The following FYB1 variants were observed in gnomAD, a reference collection of about 807,000 sequenced individuals.
The protein encoded by FYB1 is FYN-binding protein 1.
FYB1 carries 41 observed loss-of-function variants against 94.1 expected under a neutral mutation model. The observed-to-expected ratio is 0.44, with a 90% CI of 0.34 to 0.57. The LOEUF (loss-of-function observed/expected upper bound fraction) is 0.57, where lower values mean the gene tolerates loss of function less well. Ranked by LOEUF, FYB1 falls within the 20% of genes least tolerant of loss-of-function variation. FYB1 has a pLI of 0.02. For synonymous variants in FYB1, 367 were observed against 353.2 expected, an observed-to-expected ratio of 1.04 and a Z score of -0.44; for missense variants, 1,050 against 976.8, an observed-to-expected ratio of 1.07 and a Z score of -1.00.
At chr5:39,194,775 C>T (rs139171408) in intron 2 of FYB1, among the ~76,000 whole-genome samples, 386 of 152,236 alleles carry the variant, frequency 2.5e-3, no homozygotes, top group South Asian at 0.017. Context: ...TGAGGCATTT[C>T]GATTATGGGG....
In FYB1 at chr5:39,119,663, C is replaced by T. The variant is rs574770122; in HGVS notation, c.2139-29G>A. On this transcript the variant is annotated intron_variant, in intron 14 of 18. Coordinates refer to ENST00000512982, the MANE Select transcript of FYB1 (RefSeq NM_001465.6). ...GAACGGCAGAACACACATAAAACAACACTTTGTTTAGAAAATTAAAAAGAA... is the reference window on the plus strand; with the variant it reads ...GAACGGCAGAACACACATAAAACAATACTTTGTTTAGAAAATTAAAAAGAA... 4.8e-6 allele frequency: 7 copies of T among 1,451,456 alleles called. No homozygotes were observed. In the African/African-American group the frequency reaches 8.7e-5, roughly 18 times the overall value. 89.9% of individuals were successfully genotyped at this position (1,451,456 alleles called of 1,614,324 possible).
In FYB1 at chr5:39,209,220, A is replaced by G. The variant is rs79241456; in HGVS notation, c.-27-6233T>C. On this transcript the variant is annotated intron_variant, in intron 1 of 18. Transcript: ENST00000512982. ...AAGAGTTAACGGTTGCTGGCTGAAA[A>G]TACAGTACTCCTGACGAGACCCTTC... 4.9e-3 allele frequency among the ~76,000 whole-genome samples: 744 copies of G among 152,318 alleles called. 15 individuals are homozygous for G. The highest frequency in any genetic ancestry group is 0.035 in the East Asian group (182 of 5,184).
At chr5:39,238,808 G>A (rs1350545933) in intron 1 of FYB1, among the ~76,000 whole-genome samples, 1 of 152,082 alleles carries the variant, frequency 6.6e-6, no homozygotes, top group Non-Finnish European at 1.5e-5. Flanking sequence ...CTTCATGTTT[G>A]TTTACTTCTT....
intron 6 of FYB1, chr5:39,138,213 T>C (rs1741834189): frequency 6.0e-6 from 1 of 165,802 alleles, no homozygotes; most frequent in Non-Finnish European, 1.3e-5. Flanking sequence ...GAAATTTCGT[T>C]TCCAAGAAAC....
intron 1 of FYB1, among the ~76,000 whole-genome samples, chr5:39,203,189 ACTTTTT>A (rs1748535955): frequency 6.6e-6 from 1 of 152,154 alleles, no homozygotes; most frequent in African/African-American, 2.4e-5. Context: ...TTGTGCATAT[ACTTTTT>A]CTTTTGCTTA....
intron 14 of FYB1, among the ~76,000 whole-genome samples, chr5:39,120,074 A>C (rs1440180790): frequency 6.6e-6 from 1 of 152,184 alleles, no homozygotes; most frequent in African/African-American, 2.4e-5. Context: ...TATAACATTT[A>C]TACGTTGTTT....
intron 16 of FYB1, among the ~76,000 whole-genome samples, chr5:39,113,677 A>G (rs407914): frequency 0.29 from 41,696 of 142,414 alleles, 6,362 homozygotes; most frequent in South Asian, 0.44. Context: ...TTTTTACTTA[A>G]TAAAAATGAC....
chr5:39,114,896 T>C (rs1268352678), intron 16 of FYB1, among the ~76,000 whole-genome samples: 1 of 152,050 alleles, frequency 6.6e-6, no homozygotes, highest in Non-Finnish European at 1.5e-5. Flanking sequence ...CTAATAAGAA[T>C]AATAGGTTGG....
At chr5:39,150,203 A>T (rs1328085200) in intron 3 of FYB1, among the ~76,000 whole-genome samples, 1 of 152,162 alleles carries the variant, frequency 6.6e-6, no homozygotes, top group African/African-American at 2.4e-5. Flanking sequence ...GCCTTTTGGG[A>T]AATCAGGAGA....
At position 39,170,093 on chromosome 5, in the gene FYB1, A is replaced by G. The variant is rs1745108725; in HGVS notation, c.1136-16489T>C. On this transcript the variant is annotated intron_variant, in intron 2 of 18. Coordinates refer to ENST00000512982, the MANE Select transcript of FYB1 (RefSeq NM_001465.6). Reference sequence around the variant, plus strand: ...ACTTTCACATTTGCAGTGCCAGCTAAGATGGTGGCTTTTTGATTTCAAATG... The same window carrying G: ...ACTTTCACATTTGCAGTGCCAGCTAGGATGGTGGCTTTTTGATTTCAAATG... 4.1e-5 allele frequency: 35 copies of G among 847,886 alleles called. No homozygotes were observed. The South Asian group carries it at 4.6e-4, about 11-fold the overall frequency. The allele number at this position is 847,886 out of a possible 1,614,324, so 52.5% of individuals were successfully genotyped here.
intron 3 of FYB1, 137 bp from the exon 4 acceptor site, chr5:39,141,278 T>C (rs1742158995): frequency 1.5e-6 from 1 of 662,760 alleles, no homozygotes; most frequent in Non-Finnish European, 2.6e-6. Flanking sequence ...CAGACATCAC[T>C]AGCATAGGCT....
chr5:39,238,564 T>C (rs927870798), intron 1 of FYB1, among the ~76,000 whole-genome samples: 1 of 152,032 alleles, frequency 6.6e-6, no homozygotes, highest in African/African-American at 2.4e-5. Context: ...AAAAAGTTGA[T>C]GAGGACAATG....
chr5:39,234,017 A>C (rs568430095), intron 1 of FYB1, among the ~76,000 whole-genome samples: 15 of 152,192 alleles, frequency 9.9e-5, no homozygotes, highest in African/African-American at 3.4e-4. Flanking sequence ...TCTAGCTTAG[A>C]TGGGGTTTAC....
intron 6 of FYB1, 26 bp from the exon 7 acceptor site, chr5:39,137,746 T>A: frequency 6.4e-7 from 1 of 1,550,646 alleles, no homozygotes; most frequent in Non-Finnish European, 8.7e-7. Context: ...GTTAGGTTGT[T>A]TTCACATCTG....
chr5:39,145,007 T>C (rs1334133323), intron 3 of FYB1, among the ~76,000 whole-genome samples: 1 of 152,196 alleles, frequency 6.6e-6, no homozygotes, highest in Admixed American at 6.5e-5. Flanking sequence ...GATGAAATTA[T>C]ATGATGTTTT....
Position 39,244,265 on chromosome 5 carries a change from A to T in FYB1, c.-28+30138T>A, listed in dbSNP as rs540572440. On this transcript the variant is annotated intron_variant, in intron 1 of 1. Transcript: ENST00000510188. ...CCAGTTTTTGCCCATTCGGTATGAT[A>T]TTGGCTGTGGGTTTGTCATAAATAG... 2.0e-5 allele frequency among the ~76,000 whole-genome samples: 3 copies of T among 152,112 alleles called. No homozygotes were observed. In the South Asian group the frequency reaches 6.2e-4, roughly 32 times the overall value.
At chr5:39,111,113 G>A (rs1190026089) in intron 16 of FYB1, among the ~76,000 whole-genome samples, 1 of 151,766 alleles carries the variant, frequency 6.6e-6, no homozygotes, top group Admixed American at 6.6e-5. Flanking sequence ...GTTGTGTGAG[G>A]GGCACCTTAT....
At chr5:39,162,592 G>T (rs1293476880) in intron 2 of FYB1, among the ~76,000 whole-genome samples, 1 of 152,108 alleles carries the variant, frequency 6.6e-6, no homozygotes, top group Non-Finnish European at 1.5e-5. Context: ...GGCTGAGGCA[G>T]GAGAATCGCT....
chr5:39,212,200 C>A (rs1206640368), intron 1 of FYB1, among the ~76,000 whole-genome samples: 2 of 152,026 alleles, frequency 1.3e-5, no homozygotes, highest in Non-Finnish European at 2.9e-5. Context: ...CCTAGCTACT[C>A]TGGAGGCTGG....
Sources: allele counts gnomAD v4.1 joint callset (sites outside exome capture counted in the v4.1 genomes callset), GRCh38; gene constraint gnomAD v4.1.1; transcripts MANE v1.5; gene names NCBI Gene and HGNC (gene_info 2026-07-23, HGNC 2026-07-21).